Variants in DNAH2 observed in about 807,000 individuals in gnomAD.
DNAH2 encodes the protein axonemal beta dynein heavy chain 2.
In DNAH2, 323 loss-of-function variants were observed where a neutral mutation model predicts 523.5. The ratio of observed to expected loss-of-function variants is 0.62; its 90% CI spans 0.56 to 0.68. The LOEUF (loss-of-function observed/expected upper bound fraction) is 0.68. DNAH2 is among the 30% of genes least tolerant of loss of function. The pLI is 0.00. For synonymous variants in DNAH2, 2,093 were observed against 2,177.4 expected, an observed-to-expected ratio of 0.96 and a Z score of 1.08; for missense variants, 4,907 against 5,701.5, an observed-to-expected ratio of 0.86 and a Z score of 4.49.
chr17:7,762,958 C>T (rs530068091), intron 18 of DNAH2, among the ~76,000 whole-genome samples: 1 of 150,208 alleles, frequency 6.7e-6, no homozygotes, highest in Non-Finnish European at 1.5e-5. Flanking sequence ...AAATTCAACC[C>T]AGATCTGTGC....
In DNAH2 at chr17:7,780,599, G is replaced by A. The variant is rs1408227326; in HGVS notation, c.5851-31G>A. ...AAGCAGAGGGATTTGTGGGGAGATG[G>A]ACTGTTTCCTCCTCTGTTTTGGTTC... On this transcript the variant is annotated intron_variant, in intron 37 of 85. Coordinates refer to ENST00000572933, the MANE Select transcript of DNAH2 (RefSeq NM_020877.5). This position sits in a 1 kb window ranked among gnomAD's most constrained non-coding sequence, Gnocchi z 4.4. 6.2e-7 allele frequency: 1 copy of A among 1,611,212 alleles called. No homozygotes were observed. The highest frequency in any genetic ancestry group is 1.1e-5 in the South Asian group (1 of 91,022).
At chr17:7,746,177 T>C (rs1310908327) in intron 12 of DNAH2, among the ~76,000 whole-genome samples, 1 of 152,196 alleles carries the variant, frequency 6.6e-6, no homozygotes. Flanking sequence ...ACAGTTTTAG[T>C]TTTTAAAACA....
At chr17:7,740,579 C>T (rs1427591121) in intron 10 of DNAH2, 30 bp downstream of exon 10, 4 of 1,609,186 alleles carry the variant, frequency 2.5e-6, no homozygotes, top group Non-Finnish European at 2.5e-6. Context: ...TCCTCGGCTT[C>T]CCGTCCCGCG....
chr17:7,732,907 C>T (rs1156514767), intron 4 of DNAH2, among the ~76,000 whole-genome samples, 180 bp from the exon 5 acceptor site: 3 of 152,178 alleles, frequency 2.0e-5, no homozygotes, highest in Non-Finnish European at 2.9e-5. Flanking sequence ...CATTTCCTCC[C>T]CACATCTCTG....
At chr17:7,738,000 T>C in intron 8 of DNAH2, 1 of 703,204 alleles carries the variant, frequency 1.4e-6, no homozygotes, top group South Asian at 1.5e-5. Flanking sequence ...TGCCACGCCA[T>C]CTCCCTGGAC....
chr17:7,817,698 C>T lies in DNAH2; in HGVS notation c.10158C>T (p.Thr3386=), dbSNP rs2077714853. 14 of 1,614,012 alleles carry T rather than the reference C, an allele frequency of 8.7e-6. No individual in the cohort carries two copies. The highest frequency in any genetic ancestry group is 1.2e-5 in the Non-Finnish European group (14 of 1,180,028). Residue 3386 remains threonine, a synonymous_variant, in exon 66 of 86, where the codon ACC becomes ACT. Coordinates refer to ENST00000572933, the MANE Select transcript of DNAH2 (RefSeq NM_020877.5). ...CCACTGAGAATGGCATCATCGTCAC[C>T]CGAGGCAACAGGTGAGGGTGCTGCT... The part of the protein sequence containing the change: ...AFSTENGIIV[T]RGNRWALMID...
intron 51 of DNAH2, 57 bp downstream of exon 51, chr17:7,797,318 A>G (rs2077093467): frequency 6.2e-7 from 1 of 1,613,014 alleles, no homozygotes; most frequent in Non-Finnish European, 8.5e-7. Flanking sequence ...TCCCACCCCT[A>G]CTTTGTTCCC....
At position 7,819,030 on chromosome 17, in the gene DNAH2, G is replaced by A; in HGVS notation, c.10782G>A (p.Glu3594=). 6.2e-7 allele frequency: 1 copy of A among 1,608,454 alleles called. No homozygotes were observed. Among genetic ancestry groups the A allele is most frequent in the Non-Finnish European group, 8.5e-7 (1 of 1,179,594 alleles). The change falls in exon 71 of 86, where the codon GAG becomes GAA. Residue 3594 remains glutamate, a synonymous_variant. Transcript: ENST00000572933. ...TEVTEQLETS[E]TTEINTDLAR... ...TGACTGAGCAGCTGGAGACCAGTGAGACCACAGAGATCAACACTGACTTGG... is the reference window on the plus strand; with the variant it reads ...TGACTGAGCAGCTGGAGACCAGTGAAACCACAGAGATCAACACTGACTTGG...
At chr17:7,733,681 G>A (rs1290689041) in intron 5 of DNAH2, among the ~76,000 whole-genome samples, 1 of 151,980 alleles carries the variant, frequency 6.6e-6, no homozygotes, top group Non-Finnish European at 1.5e-5. Context: ...GTTTCACCAT[G>A]TTGGCCAGGC....
chr17:7,778,604 T>G, intron 35 of DNAH2, 135 bp downstream of exon 35: 3 of 907,606 alleles, frequency 3.3e-6, no homozygotes, highest in Non-Finnish European at 4.6e-6. Context: ...ATTTATTTAT[T>G]TATTTATTTT....
chr17:7,791,258 A>G (rs1488992580), intron 44 of DNAH2, among the ~76,000 whole-genome samples: 1 of 151,334 alleles, frequency 6.6e-6, no homozygotes, highest in Non-Finnish European at 1.5e-5. Context: ...TTTAGTAGAG[A>G]TGGGGTTTCT....
intron 49 of DNAH2, among the ~76,000 whole-genome samples, chr17:7,795,962 T>A (rs1267383548): frequency 6.8e-6 from 1 of 146,062 alleles, no homozygotes; most frequent in African/African-American, 2.5e-5. Context: ...AATAAATAAA[T>A]ATAAATATGT....
intron 70 of DNAH2, 25 bp from the exon 71 acceptor site, chr17:7,818,894 C>T: frequency 2.5e-6 from 4 of 1,609,026 alleles, no homozygotes; most frequent in Non-Finnish European, 1.7e-6. Context: ...CCCCTTGCTC[C>T]ATGTGCCTCT....
intron 63 of DNAH2, among the ~76,000 whole-genome samples, chr17:7,810,019 CCCTT>C (rs769515711): frequency 4.7e-3 from 710 of 150,234 alleles, no homozygotes; most frequent in Middle Eastern, 0.01. Context: ...TTCCCTCCCT[CCCTT>C]CCTTCCTTCC....
Position 7,792,024 on chromosome 17 carries a change from G to T in DNAH2, c.7008G>T (p.Arg2336Ser), listed in dbSNP as rs1164955050. The T allele has an allele frequency of 2.5e-6, 4 of 1,613,724 alleles. No individual in the cohort carries two copies. In the Admixed American group the frequency reaches 6.7e-5, roughly 27 times the overall value. ...CTGTGGATGAGGAGGGCCGGAAGAG[G>T]ATCGACAGCTACCTCCGAGAGATCG... ...CASVDEEGRK[R>S]IDSYLREIEG... The change falls in exon 45 of 86, where the codon AGG (arginine) becomes AGT (serine). Residue 2336 changes from arginine to serine, a missense_variant. Physicochemically the swap from Arg to Ser is moderately radical, Grantham distance 110 (BLOSUM62 -1). Transcript: ENST00000572933.
rs145456734 is a variant in DNAH2 at position 7,759,525 on chromosome 17, T to C, written c.2552T>C (p.Ile851Thr). 3.7e-6 allele frequency: 6 copies of C among 1,614,070 alleles called. No homozygotes were observed. Among genetic ancestry groups the C allele is most frequent in the Non-Finnish European group, 4.2e-6 (5 of 1,180,046 alleles). ...TCACTGCTAGAACTATCCAAGGCTA[T>C]CAACGGGGATGGAAAGACCAGCCCA... is the stretch of plus-strand genomic sequence containing the variant. ...KWSLLELSKA[I>T]NGDGKTSPNP... Residue 851 changes from isoleucine to threonine, a missense_variant, in exon 16 of 86, where the codon ATC (isoleucine) becomes ACC (threonine). By Grantham distance (89) the Ile-to-Thr change is moderately conservative. Around this residue, in one of 3 missense-constraint regions of DNAH2, gnomAD observed 2,806 missense variants for 3,190.8 expected, o/e 0.88. Coordinates refer to ENST00000572933, the MANE Select transcript of DNAH2 (RefSeq NM_020877.5).
intron 42 of DNAH2, chr17:7,787,376 T>G: frequency 2.6e-6 from 1 of 382,978 alleles, no homozygotes; most frequent in South Asian, 4.4e-5. Flanking sequence ...TTCCACCCAC[T>G]CCAACAATGC....
intron 32 of DNAH2, 59 bp downstream of exon 32, chr17:7,776,948 TG>T: frequency 7.1e-7 from 1 of 1,417,362 alleles, no homozygotes; most frequent in East Asian, 2.5e-5. Context: ...GAGGCAGAGG[TG>T]GTAGGAGCCC....
At chr17:7,772,474 A>T (rs1450376064) in intron 28 of DNAH2, among the ~76,000 whole-genome samples, 1 of 152,198 alleles carries the variant, frequency 6.6e-6, no homozygotes, top group African/African-American at 2.4e-5. Flanking sequence ...GAACAAATCC[A>T]TCTTGTCCAC....
Sources: allele counts gnomAD v4.1 joint callset (sites outside exome capture counted in the v4.1 genomes callset), GRCh38; gene constraint gnomAD v4.1.1; regional missense constraint gnomAD v4.1.1; non-coding constraint Gnocchi (gnomAD v3.1); transcripts MANE v1.5; gene names NCBI Gene and HGNC (gene_info 2026-07-23, HGNC 2026-07-21).